Variants in CDKN2A observed in about 807,000 individuals in gnomAD.
CDKN2A encodes the protein cyclin dependent kinase inhibitor 2A, also known as cyclin-dependent kinase inhibitor 2A.
In CDKN2A, 3 loss-of-function variants were observed where a neutral mutation model predicts 11.1. That is an observed-to-expected ratio of 0.27 (90% CI 0.12 to 0.70). The LOEUF is 0.70. Ranked by LOEUF, CDKN2A falls within the 30% of genes least tolerant of loss-of-function variation. The pLI, the probability that CDKN2A is intolerant of heterozygous loss-of-function variation, is 0.77. For missense variants in CDKN2A, 265 were observed against 233.6 expected, an observed-to-expected ratio of 1.13 and a Z score of -0.88; for synonymous variants, 122 against 108.1, an observed-to-expected ratio of 1.13 and a Z score of -0.80.
At position 21,974,540 on chromosome 9, in the gene CDKN2A, A is replaced by C. The variant is rs1819932835; in HGVS notation, c.150+138T>G. 2 of 1,613,136 alleles carry C rather than the reference A, an allele frequency of 1.2e-6. No homozygotes were observed. Among genetic ancestry groups the C allele is most frequent in the Non-Finnish European group, 1.7e-6 (2 of 1,179,948 alleles). Reference sequence around the variant, plus strand: ...CGCCAGGAGGAGGTCTGTGATTACAAACCCCTTCTGAAAACTCCCCAGGAA... The same window carrying C: ...CGCCAGGAGGAGGTCTGTGATTACACACCCCTTCTGAAAACTCCCCAGGAA... On this transcript the variant is annotated intron_variant, in intron 1 of 2. Transcript: ENST00000304494. This position sits in a 1 kb window ranked among gnomAD's most constrained non-coding sequence, Gnocchi z 5.2.
chr9:21,994,586 G>A (rs1820554267), intron 1 of CDKN2A: 3 of 888,416 alleles, frequency 3.4e-6, no homozygotes, highest in Admixed American at 4.1e-5. Context: ...TGCGCACGCG[G>A]GAAGGGCTGC....
rs2131108717 is a variant in CDKN2A, at chr9:21,974,421, A to G, written c.150+257T>C. The G allele has an allele frequency of 1.9e-6, 3 of 1,606,122 alleles. No homozygotes were observed. The highest frequency in any genetic ancestry group is 2.6e-6 in the Non-Finnish European group (3 of 1,175,406). On this transcript the variant is annotated intron_variant, in intron 1 of 2. Transcript: ENST00000304494. This position sits in a 1 kb window ranked among gnomAD's most constrained non-coding sequence, Gnocchi z 5.2. Reference sequence around the variant, plus strand: ...GAGCATACTTCCATCTAATACAAATATGTTCCCCCCTTCAGATCTTCTCAG... The same window carrying G: ...GAGCATACTTCCATCTAATACAAATGTGTTCCCCCCTTCAGATCTTCTCAG...
At chr9:21,978,573 G>A (rs961785343), upstream of CDKN2A, among the ~76,000 whole-genome samples, 6 of 152,096 alleles carry the variant, frequency 3.9e-5, no homozygotes, top group Middle Eastern at 3.2e-3. Context: ...AAGTTTGTTG[G>A]TTATTGTTAT....
At chr9:21,971,882 A>G (rs1196435385) in intron 1 of CDKN2A, among the ~76,000 whole-genome samples, 1 of 152,088 alleles carries the variant, frequency 6.6e-6, no homozygotes, top group Admixed American at 6.5e-5. Context: ...ATTTTTGTCA[A>G]ATGAGAGCAT....
intron 2 of CDKN2A, among the ~76,000 whole-genome samples, chr9:21,993,502 G>A (rs1257160845): frequency 6.6e-6 from 1 of 152,096 alleles, no homozygotes; most frequent in Admixed American, 6.5e-5. Context: ...TCAGGCCGCC[G>A]GACCTCTACC....
rs1322178292 is a variant in CDKN2A, at chr9:21,974,624, C to G, written c.150+54G>C. 1 of 1,614,046 alleles carries G rather than the reference C, an allele frequency of 6.2e-7. No individual in the cohort carries two copies. The highest frequency in any genetic ancestry group is 1.3e-5 in the African/African-American group (1 of 74,920). On this transcript the variant is annotated intron_variant, in intron 1 of 2. Transcript: ENST00000304494. This position sits in a 1 kb window ranked among gnomAD's most constrained non-coding sequence, Gnocchi z 5.2. ...CTGATTCCAATTCCCCTGCAAACTT[C>G]GTCCTCCAGAGTCGCCCGCCATCCC... is the stretch of plus-strand genomic sequence containing the variant.
In CDKN2A at chr9:21,974,505, C is replaced by T. The variant is rs1466727919; in HGVS notation, c.150+173G>A. ...TTCCTCTTCCTTGGCTTCCCAAGCCCCCAGGGCGTCGCCAGGAGGAGGTCT... is the reference window on the plus strand; with the variant it reads ...TTCCTCTTCCTTGGCTTCCCAAGCCTCCAGGGCGTCGCCAGGAGGAGGTCT... On this transcript the variant is annotated intron_variant, in intron 1 of 2. Coordinates refer to ENST00000304494, the MANE Select transcript of CDKN2A (RefSeq NM_000077.5). The surrounding 1 kb of genome is among the most constrained non-coding windows in gnomAD (Gnocchi z 5.2). 1 of 1,613,004 alleles carries T rather than the reference C, an allele frequency of 6.2e-7. No individual in the cohort carries two copies. The highest frequency in any genetic ancestry group is 1.3e-5 in the African/African-American group (1 of 74,942).
At chr9:21,992,011 G>A (rs1331514534) in intron 2 of CDKN2A, 44 of 984,404 alleles carry the variant, frequency 4.5e-5, no homozygotes, top group Non-Finnish European at 5.2e-5. Context: ...CAAGGTAGAA[G>A]TAACAAATCA....
chr9:21,980,908 G>A, intron 2 of CDKN2A, among the ~76,000 whole-genome samples: 1 of 138,784 alleles, frequency 7.2e-6, no homozygotes. Flanking sequence ...GCAGTGAGCC[G>A]AGATCGCGCC....
At chr9:21,977,840 C>G (rs1392054049), upstream of CDKN2A, among the ~76,000 whole-genome samples, 1 of 152,128 alleles carries the variant, frequency 6.6e-6, no homozygotes, top group African/African-American at 2.4e-5. Context: ...AGGGATTTCT[C>G]TGAAACTCTA....
intron 1 of CDKN2A, among the ~76,000 whole-genome samples, chr9:21,973,721 A>G (rs1819886668): frequency 6.6e-6 from 1 of 152,226 alleles, no homozygotes; most frequent in African/African-American, 2.4e-5. Flanking sequence ...AAGAGCAAAA[A>G]TGTTAGCAGA....
chr9:21,975,682 CG>C (rs36228501), upstream of CDKN2A, among the ~76,000 whole-genome samples: 1,393 of 152,134 alleles, frequency 9.2e-3, 103 homozygotes, highest in East Asian at 0.19. Flanking sequence ...TTAATACGGA[CG>C]GGGGAGAATT....
At position 21,974,705 on chromosome 9, in the gene CDKN2A, C is replaced by T. The variant is rs754366579; in HGVS notation, c.123G>A (p.Pro41=). Residue 41 remains proline, a synonymous_variant, in exon 1 of 3, where the codon CCG becomes CCA. Transcript: ENST00000304494. This position sits in a 1 kb window ranked among gnomAD's most constrained non-coding sequence, Gnocchi z 5.2. ...LLEAGALPNA[P]NSYGRRPIQV... ...GGATCGGCCTCCGACCGTAACTATTCGGTGCGTTGGGCAGCGCCCCCGCCT... is the reference window on the plus strand; with the variant it reads ...GGATCGGCCTCCGACCGTAACTATTTGGTGCGTTGGGCAGCGCCCCCGCCT... 6.2e-7 allele frequency: 1 copy of T among 1,613,342 alleles called. No homozygotes were observed. Among genetic ancestry groups the T allele is most frequent in the South Asian group, 1.1e-5 (1 of 91,076 alleles).
At chr9:21,985,985 T>C (rs975584936) in intron 2 of CDKN2A, among the ~76,000 whole-genome samples, 2 of 152,034 alleles carry the variant, frequency 1.3e-5, no homozygotes, top group African/African-American at 4.8e-5. Flanking sequence ...AATTAGGCAC[T>C]ATAATAACTG....
At position 21,974,791 on chromosome 9, in the gene CDKN2A, C is replaced by T. The variant is rs1416122398; in HGVS notation, c.37G>A (p.Ala13Thr). 1.9e-6 allele frequency: 3 copies of T among 1,607,146 alleles called. No homozygotes were observed. Among genetic ancestry groups the T allele is most frequent in the Non-Finnish European group, 2.5e-6 (3 of 1,179,188 alleles). Reference protein sequence around the residue: ...PAAGSSMEPSADWLATAAARG... With the variant: ...PAAGSSMEPSTDWLATAAARG... ...GCCGCGGCCGTGGCCAGCCAGTCAG[C>T]CGAAGGCTCCATGCTGCTCCCCGCC... Residue 13 changes from alanine (A) to threonine (T), a missense_variant, in exon 1 of 3, where the codon GCT becomes ACT. Ala to Thr is a moderately conservative substitution (Grantham distance 58). Transcript: ENST00000304494. The surrounding 1 kb of genome is among the most constrained non-coding windows in gnomAD (Gnocchi z 5.2).
At chr9:21,980,281 A>T (rs1448258471) in intron 2 of CDKN2A, among the ~76,000 whole-genome samples, 1 of 152,218 alleles carries the variant, frequency 6.6e-6, no homozygotes, top group Non-Finnish European at 1.5e-5. Flanking sequence ...TATTAACATT[A>T]TTATTAAAGA....
At chr9:21,969,872 T>C (rs182542300) in intron 2 of CDKN2A, 353 of 397,934 alleles carry the variant, frequency 8.9e-4, no homozygotes, top group Non-Finnish European at 1.2e-3. Context: ...GAAGGTGATT[T>C]TGCGTTCTGT....
At position 21,968,376 on chromosome 9, in the gene CDKN2A, G is replaced by A. The variant is rs934990100; in HGVS notation, c.458-134C>T. ...TAAAGTTCTCGCAATGGCTTCACGT[G>A]CATGTACCCGCCGCCACCGCTCTCC... On this transcript the variant is annotated intron_variant, in intron 2 of 2. Coordinates refer to ENST00000304494, the MANE Select transcript of CDKN2A (RefSeq NM_000077.5). The surrounding 1 kb of genome is among the most constrained non-coding windows in gnomAD (Gnocchi z 4.7). 3 of 1,490,326 alleles carry A rather than the reference G, an allele frequency of 2.0e-6. No individual in the cohort carries two copies. The African/African-American group carries it at 4.2e-5, about 21-fold the overall frequency. 92.3% of individuals were successfully genotyped at this position (1,490,326 alleles called of 1,614,324 possible).
At chr9:21,984,298 C>T (rs945968569) in intron 2 of CDKN2A, among the ~76,000 whole-genome samples, 1 of 151,928 alleles carries the variant, frequency 6.6e-6, no homozygotes, top group African/African-American at 2.4e-5. Context: ...AAAAAAAACC[C>T]CTCATTAAAT....
Sources: gnomAD v4.1 joint callset for allele counts (sites outside exome capture counted in the v4.1 genomes callset) on GRCh38, gnomAD v4.1.1 for gene constraint, Gnocchi (gnomAD v3.1) non-coding constraint, MANE v1.5 for transcripts, NCBI Gene and HGNC (gene_info 2026-07-23, HGNC 2026-07-21) for gene names.